The following MAML2 variants were observed in gnomAD, a reference collection of about 807,000 sequenced individuals.
The protein encoded by MAML2 is mastermind-like protein 2.
In MAML2, 22 loss-of-function variants were observed where a neutral mutation model predicts 96.1. The ratio of observed to expected loss-of-function variants is 0.23; its 90% CI spans 0.16 to 0.33. MAML2 has a LOEUF of 0.33. Ranked by LOEUF, MAML2 falls within the 10% of genes least tolerant of loss-of-function variation. The pLI is 1.00. For synonymous variants in MAML2, 561 were observed against 521.3 expected, an observed-to-expected ratio of 1.08 and a Z score of -1.04; for missense variants, 1,367 against 1,392.4, an observed-to-expected ratio of 0.98 and a Z score of 0.29.
At chr11:96,228,763 T>C (rs1178817487) in intron 1 of MAML2, among the ~76,000 whole-genome samples, 2 of 152,218 alleles carry the variant, frequency 1.3e-5, no homozygotes, top group African/African-American at 4.8e-5. Context: ...AGAGTGACTG[T>C]GAATTCCATT....
At chr11:96,222,383 C>T (rs1862152849) in intron 1 of MAML2, among the ~76,000 whole-genome samples, 1 of 152,190 alleles carries the variant, frequency 6.6e-6, no homozygotes, top group Admixed American at 6.5e-5. Flanking sequence ...CTAGTGCAGA[C>T]ACCTCTCCAT....
chr11:95,981,520 C>A (rs780489095), intron 4 of MAML2, among the ~76,000 whole-genome samples: 16 of 152,088 alleles, frequency 1.1e-4, no homozygotes, highest in Non-Finnish European at 2.2e-4. Context: ...TCCCCTGCTG[C>A]TTAAGGATAC....
chr11:95,995,436 A>G (rs1857975331), intron 2 of MAML2, among the ~76,000 whole-genome samples: 2 of 152,148 alleles, frequency 1.3e-5, no homozygotes, highest in Admixed American at 1.3e-4. Flanking sequence ...TTATTTATGC[A>G]TAGTGCAATC....
chr11:96,133,094 T>C (rs1860572046), intron 1 of MAML2, among the ~76,000 whole-genome samples: 1 of 152,196 alleles, frequency 6.6e-6, no homozygotes, highest in South Asian at 2.1e-4. Context: ...GGATACAGAA[T>C]GTGTAAGAGA....
At chr11:96,046,921 T>C (rs1029046616) in intron 2 of MAML2, among the ~76,000 whole-genome samples, 4 of 152,246 alleles carry the variant, frequency 2.6e-5, no homozygotes, top group Non-Finnish European at 4.4e-5. Flanking sequence ...GGCAGAATCA[T>C]AGTCCCTACT....
intron 2 of MAML2, among the ~76,000 whole-genome samples, chr11:96,084,142 G>A (rs1333317632): frequency 6.6e-6 from 1 of 152,094 alleles, no homozygotes; most frequent in Non-Finnish European, 1.5e-5. Context: ...TGAGTTTGGG[G>A]AGAGGATGGG....
At chr11:96,174,442 G>C (rs1412844439) in intron 1 of MAML2, among the ~76,000 whole-genome samples, 2 of 152,202 alleles carry the variant, frequency 1.3e-5, no homozygotes, top group Non-Finnish European at 2.9e-5. Context: ...CGAGTGCAAT[G>C]GCACAGTCTC....
At chr11:96,202,754 G>T (rs1381653884) in intron 1 of MAML2, among the ~76,000 whole-genome samples, 4 of 151,684 alleles carry the variant, frequency 2.6e-5, no homozygotes, top group African/African-American at 7.3e-5. Context: ...TTAGCCTCCC[G>T]AGTAGCTGGG....
rs3216098 is a variant in MAML2 at position 96,074,335 on chromosome 11, CTAACAAG to C, written c.2139+17550_2139+17556del. 8.6e-3 allele frequency among the ~76,000 whole-genome samples: 1,314 copies of C among 152,302 alleles called. 36 individuals carry two copies. The highest frequency in any genetic ancestry group is 0.059 in the East Asian group (307 of 5,182). On this transcript the variant is annotated intron_variant, in intron 2 of 4. Coordinates refer to ENST00000524717, the MANE Select transcript of MAML2 (RefSeq NM_032427.4). ...GTGTGAAGGACAGTATATGCTGTACCTAACAAGTTCAAAGAGTTACCCAGAAACTATT... is the reference window on the plus strand; with the variant it reads ...GTGTGAAGGACAGTATATGCTGTACCTTCAAAGAGTTACCCAGAAACTATT...
In MAML2 at chr11:96,063,177, A is replaced by C. The variant is rs79761806; in HGVS notation, c.2139+28715T>G. Among the ~76,000 whole-genome samples the C allele has an allele frequency of 2.2e-3, 334 of 152,152 alleles. 1 individual carries two copies. The highest frequency in any genetic ancestry group is 7.6e-3 in the African/African-American group (314 of 41,494). On this transcript the variant is annotated intron_variant, in intron 2 of 4. Coordinates refer to ENST00000524717, the MANE Select transcript of MAML2 (RefSeq NM_032427.4). Reference sequence around the variant, plus strand: ...TGCTCCTTGGCCTGGGACATGCTGTACACCTATCTCCACCTCTGTTGCTGA... The same window carrying C: ...TGCTCCTTGGCCTGGGACATGCTGTCCACCTATCTCCACCTCTGTTGCTGA...
intron 2 of MAML2, among the ~76,000 whole-genome samples, chr11:96,045,637 T>C (rs555031632): frequency 1.3e-5 from 2 of 152,184 alleles, no homozygotes; most frequent in Non-Finnish European, 2.9e-5. Flanking sequence ...AATTCTTTGG[T>C]TCAATTTAAT....
chr11:95,979,928 C>G lies in MAML2; in HGVS notation c.2491G>C (p.Ala831Pro), dbSNP rs1332415600. ...SSTISLNSNQALANPVSTHTI... is the reference protein window; with the variant it reads ...SSTISLNSNQPLANPVSTHTI... ...TGTGTTGAAACTGGGTTTGCCAAAG[C>G]CTGGTTAGAGTTTAAGCTTATTGTG... The change falls in exon 5 of 5, where the codon GCT becomes CCT. Residue 831 changes from alanine to proline, a missense_variant. Transcript: ENST00000524717. 6.2e-7 allele frequency: 1 copy of G among 1,613,664 alleles called. No homozygotes were observed. The highest frequency in any genetic ancestry group is 8.5e-7 in the Non-Finnish European group (1 of 1,179,806).
chr11:96,028,818 G>T (rs1027964663), intron 2 of MAML2, among the ~76,000 whole-genome samples: 1 of 152,086 alleles, frequency 6.6e-6, no homozygotes, highest in Non-Finnish European at 1.5e-5. Flanking sequence ...CTGTATTATT[G>T]TATTTACTTC....
At chr11:95,991,840 G>T in intron 2 of MAML2, 117 bp from the exon 3 acceptor site, 1 of 751,202 alleles carries the variant, frequency 1.3e-6, no homozygotes, top group East Asian at 2.7e-5. Context: ...ATCAAACATG[G>T]TTAAATGGGT....
chr11:96,289,470 C>T (rs1863181715), intron 1 of MAML2, among the ~76,000 whole-genome samples: 1 of 152,172 alleles, frequency 6.6e-6, no homozygotes, highest in South Asian at 2.1e-4. Flanking sequence ...TGACCTGCAA[C>T]TGCTGATGGA....
intron 2 of MAML2, among the ~76,000 whole-genome samples, chr11:96,020,493 T>C (rs1400028475): frequency 1.3e-5 from 2 of 152,210 alleles, no homozygotes; most frequent in South Asian, 2.1e-4. Context: ...ATGAATCACT[T>C]TGGGATCTTG....
rs543757533 is a variant in MAML2 at position 96,082,132 on chromosome 11, C to T, written c.2139+9760G>A. 7.7e-4 allele frequency among the ~76,000 whole-genome samples: 116 copies of T among 149,730 alleles called. No individual in the cohort carries two copies. In the Middle Eastern group the frequency reaches 0.014, roughly 18 times the overall value. On this transcript the variant is annotated intron_variant, in intron 2 of 4. Transcript: ENST00000524717. ...GATCAATTACATACAGACATGGTTT[C>T]CAGGAGCTTGAAGTCTAGTAGATGG...
chr11:96,160,562 G>A (rs1861087382), intron 1 of MAML2, among the ~76,000 whole-genome samples: 1 of 151,892 alleles, frequency 6.6e-6, no homozygotes, highest in Admixed American at 6.6e-5. Context: ...TGAGTAGCTG[G>A]GATTACAGGC....
chr11:96,333,107 G>A (rs1591137391), intron 1 of MAML2, among the ~76,000 whole-genome samples: 1 of 152,098 alleles, frequency 6.6e-6, no homozygotes, highest in East Asian at 1.9e-4. Flanking sequence ...GCTTCATGTG[G>A]GTGACAGTTA....
Sources: gnomAD v4.1 joint callset for allele counts (sites outside exome capture counted in the v4.1 genomes callset) on GRCh38, gnomAD v4.1.1 for gene constraint, MANE v1.5 for transcripts, NCBI Gene and HGNC (gene_info 2026-07-23, HGNC 2026-07-21) for gene names.